Variants in MSI2 observed in about 807,000 individuals in gnomAD.
MSI2 encodes musashi RNA binding protein 2, also known as RNA-binding protein Musashi homolog 2.
Under a neutral mutation model 45.6 loss-of-function variants are expected in MSI2, and 17 were observed. The ratio of observed to expected loss-of-function variants is 0.37; its 90% CI spans 0.26 to 0.56. The LOEUF (loss-of-function observed/expected upper bound fraction) is 0.56. MSI2 is among the 20% of genes least tolerant of loss of function. The pLI is 0.77. For synonymous variants in MSI2, 156 were observed against 158.2 expected (o/e 0.99, Z 0.11); for missense variants, 293 against 444.2 (o/e 0.66, Z 3.06).
At chr17:57,533,612 G>A (rs1369639704) in intron 7 of MSI2, among the ~76,000 whole-genome samples, 4 of 152,218 alleles carry the variant, frequency 2.6e-5, no homozygotes, top group Non-Finnish European at 5.9e-5. Flanking sequence ...GGCAGTTGTT[G>A]CAGGTTGGGT....
chr17:57,431,828 C>G (rs976616135), intron 6 of MSI2, among the ~76,000 whole-genome samples: 4 of 152,318 alleles, frequency 2.6e-5, no homozygotes, highest in African/African-American at 9.6e-5. Context: ...CCACTTCACT[C>G]TCTGCCCCCA....
At chr17:57,412,803 A>G (rs2084221034) in intron 6 of MSI2, among the ~76,000 whole-genome samples, 1 of 152,234 alleles carries the variant, frequency 6.6e-6, no homozygotes, top group African/African-American at 2.4e-5. Flanking sequence ...TTGCCTGCTA[A>G]TAAGAGCATA....
At chr17:57,528,952 C>T (rs1030912206) in intron 6 of MSI2, among the ~76,000 whole-genome samples, 15 of 151,998 alleles carry the variant, frequency 9.9e-5, no homozygotes, top group Non-Finnish European at 1.3e-4. Context: ...ATTAGAAGGG[C>T]AATAATTAAG....
In MSI2 at chr17:57,258,354, G is replaced by A; in HGVS notation, c.270G>A (p.Thr90=). ...GQPHHELDSK[T]IDPKVAFPRR... is the part of the protein sequence containing the mutation. ...CCCACCATGAGTTAGATTCCAAGAC[G>A]GTAGGTTGCTTTTTGTTGTTGTTGT... Residue 90 remains threonine, a splice_region_variant and synonymous_variant, in exon 4 of 14, where the codon ACG becomes ACA. Coordinates refer to ENST00000284073, the MANE Select transcript of MSI2 (RefSeq NM_138962.4). 6.2e-7 allele frequency: 1 copy of A among 1,613,472 alleles called. No individual in the cohort carries two copies. Among genetic ancestry groups the A allele is most frequent in the Non-Finnish European group, 8.5e-7 (1 of 1,179,362 alleles).
chr17:57,295,269 C>G (rs1237257435), intron 5 of MSI2, among the ~76,000 whole-genome samples: 1 of 152,134 alleles, frequency 6.6e-6, no homozygotes, highest in Non-Finnish European at 1.5e-5. Flanking sequence ...GGTGGCCCTG[C>G]CGCCCTGCTT....
chr17:57,592,126 C>G (rs550838152), intron 7 of MSI2, among the ~76,000 whole-genome samples: 72 of 150,716 alleles, frequency 4.8e-4, no homozygotes, highest in Non-Finnish European at 9.0e-4. Flanking sequence ...GAGCCGAGAT[C>G]GCGCCACTGC....
rs142102790 is a variant in MSI2, at chr17:57,312,449, G to A, written c.312+50257G>A. On this transcript the variant is annotated intron_variant, in intron 5 of 13. Transcript: ENST00000284073. Reference sequence around the variant, plus strand: ...CAAGGCTGCAGGCTCCCTGGGGCCCGGGTTGGGATGCCTCCCCTGGGGAGG... The same window carrying A: ...CAAGGCTGCAGGCTCCCTGGGGCCCAGGTTGGGATGCCTCCCCTGGGGAGG... Among the ~76,000 whole-genome samples the A allele has an allele frequency of 1.9e-3, 294 of 152,280 alleles. 2 individuals carry two copies. Among genetic ancestry groups the A allele is most frequent in the African/African-American group, 6.9e-3 (285 of 41,554 alleles).
At chr17:57,271,517 G>T (rs1011349830) in intron 5 of MSI2, among the ~76,000 whole-genome samples, 2 of 152,126 alleles carry the variant, frequency 1.3e-5, no homozygotes, top group Non-Finnish European at 2.9e-5. Flanking sequence ...TCTTGATGAT[G>T]CATTCTGGGG....
At chr17:57,401,986 T>C (rs115875850) in intron 6 of MSI2, among the ~76,000 whole-genome samples, 120 of 152,274 alleles carry the variant, frequency 7.9e-4, no homozygotes, top group African/African-American at 2.9e-3. Flanking sequence ...TTCTCTGACC[T>C]GAATGTCTGT....
At chr17:57,261,356 CTT>C (rs36081982) in intron 4 of MSI2, among the ~76,000 whole-genome samples, 40 of 145,174 alleles carry the variant, frequency 2.8e-4, no homozygotes, top group Middle Eastern at 3.6e-3. Flanking sequence ...TATTCAGTAA[CTT>C]TTTTTTTTTT....
chr17:57,535,097 G>T lies in MSI2; in HGVS notation c.454+5373G>T, dbSNP rs148242112. ...GGAGGCCGGGGAGTAGACAGCCAGC[G>T]GGAGGGAGGAAGGGTGCACTGGCCA... is the stretch of plus-strand genomic sequence containing the variant. On this transcript the variant is annotated intron_variant, in intron 7 of 13. Coordinates refer to ENST00000284073, the MANE Select transcript of MSI2 (RefSeq NM_138962.4). Among the ~76,000 whole-genome samples, 6 of 152,336 alleles carry T rather than the reference G, an allele frequency of 3.9e-5. No homozygotes were observed. In the East Asian group the frequency reaches 1.2e-3, roughly 29 times the overall value.
chr17:57,640,754 A>C (rs960233030), intron 10 of MSI2, among the ~76,000 whole-genome samples: 5 of 152,168 alleles, frequency 3.3e-5, no homozygotes, highest in Admixed American at 2.0e-4. Context: ...TCATCTATTA[A>C]ATGGGAATAG....
At chr17:57,567,569 G>C (rs1039928597) in intron 7 of MSI2, among the ~76,000 whole-genome samples, 1 of 152,226 alleles carries the variant, frequency 6.6e-6, no homozygotes, top group Non-Finnish European at 1.5e-5. Flanking sequence ...AAGTGCAGCT[G>C]CCTTAACCGG....
rs545653222 is a variant in MSI2, at chr17:57,458,099, C to CTTT, written c.405+56644_405+56646dup. 3.4e-3 allele frequency among the ~76,000 whole-genome samples: 452 copies of CTTT among 134,008 alleles called. 8 individuals are homozygous for CTTT. Among genetic ancestry groups the CTTT allele is most frequent in the Middle Eastern group, 0.016 (4 of 246 alleles). 87.9% of individuals were successfully genotyped at this position (134,008 alleles called of 152,430 possible). The stretch of plus-strand genomic sequence containing the variant: ...CTATATTAGCCTGACATATATATAC[C>CTTT]TTTTTTTTTTTTTTTTTTGGAGATG... On this transcript the variant is annotated intron_variant, in intron 6 of 13. Transcript: ENST00000284073.
intron 5 of MSI2, among the ~76,000 whole-genome samples, chr17:57,386,631 T>C (rs1165187687): frequency 1.5e-5 from 1 of 66,212 alleles, no homozygotes; most frequent in African/African-American, 1.2e-4. Context: ...GCATTGACCA[T>C]GGTCCTCCCT....
rs144773516 is a variant in MSI2 at position 57,661,528 on chromosome 17, T to C, written c.790+9367T>C. 6.6e-5 allele frequency among the ~76,000 whole-genome samples: 10 copies of C among 152,250 alleles called. 1 individual carries two copies. In the East Asian group the frequency reaches 1.9e-3, roughly 29 times the overall value. The stretch of plus-strand genomic sequence containing the variant: ...CAGAACCATCTAAAGAAGATAAGCC[T>C]GGCTGTAGCTCCACAAAGAACAGCC... On this transcript the variant is annotated intron_variant, in intron 11 of 13. Transcript: ENST00000284073.
At chr17:57,278,729 A>T (rs1909128807) in intron 5 of MSI2, 2 of 154,070 alleles carry the variant, frequency 1.3e-5, no homozygotes. Flanking sequence ...CAGGATGTGC[A>T]GGTTTGTTAC....
At chr17:57,497,354 G>A (rs956509615) in intron 6 of MSI2, among the ~76,000 whole-genome samples, 32 of 152,282 alleles carry the variant, frequency 2.1e-4, no homozygotes, top group African/African-American at 7.5e-4. Flanking sequence ...TTTTTGAAAA[G>A]CTACTCTGAG....
Position 57,596,765 on chromosome 17 carries a change from A to G in MSI2, c.455-103A>G, listed in dbSNP as rs1411129359. 1 of 763,318 alleles carries G rather than the reference A, an allele frequency of 1.3e-6. No individual in the cohort carries two copies. Among genetic ancestry groups the G allele is most frequent in the Non-Finnish European group, 2.3e-6 (1 of 430,172 alleles). 47.3% of individuals were successfully genotyped at this position (763,318 alleles called of 1,614,324 possible). On this transcript the variant is annotated intron_variant, in intron 7 of 13. Transcript: ENST00000284073. The surrounding 1 kb of genome is among the most constrained non-coding windows in gnomAD (Gnocchi z 4.6). ...GGATCCGCCTACCTACCCCCAGACC[A>G]GGAGGCTGTCAAGACCTCAGGACGT...
Sources: gnomAD v4.1 joint callset for allele counts (sites outside exome capture counted in the v4.1 genomes callset) on GRCh38, gnomAD v4.1.1 for gene constraint, Gnocchi (gnomAD v3.1) non-coding constraint, MANE v1.5 for transcripts, NCBI Gene and HGNC (gene_info 2026-07-23, HGNC 2026-07-21) for gene names.